ADCY8: variants seen among roughly 807,000 people sequenced by gnomAD.
The protein encoded by ADCY8 is adenylate cyclase type 8.
In ADCY8, 51 loss-of-function variants were observed where a neutral mutation model predicts 119.7. The ratio of observed to expected loss-of-function variants is 0.43; its 90% CI spans 0.34 to 0.54. The LOEUF (loss-of-function observed/expected upper bound fraction) is 0.54. ADCY8 is among the 20% of genes least tolerant of loss of function. ADCY8 has a pLI of 0.03. For synonymous variants in ADCY8, 665 were observed against 651.0 expected, an observed-to-expected ratio of 1.02 and a Z score of -0.33; for missense variants, 1,383 against 1,598.8, an observed-to-expected ratio of 0.87 and a Z score of 2.30.
intron 2 of ADCY8, among the ~76,000 whole-genome samples, chr8:130,957,408 C>A (rs542724239): frequency 6.6e-6 from 1 of 152,228 alleles, no homozygotes; most frequent in South Asian, 2.1e-4. Flanking sequence ...GACTTGGGTG[C>A]TGTTGAAGGC....
chr8:130,822,570 CCATCCATCCA>C (rs1816549788), intron 12 of ADCY8, among the ~76,000 whole-genome samples: 1 of 151,932 alleles, frequency 6.6e-6, no homozygotes, highest in South Asian at 2.1e-4. Flanking sequence ...ATCCATCCAT[CCATCCATCCA>C]TCCATCCATC....
intron 4 of ADCY8, among the ~76,000 whole-genome samples, chr8:130,941,731 C>A (rs781467979): frequency 8.5e-5 from 13 of 152,126 alleles, no homozygotes; most frequent in Non-Finnish European, 1.8e-4. Flanking sequence ...CAAGTCCCTG[C>A]CTGTCTTTCT....
chr8:130,875,116 C>T (rs543883749), intron 8 of ADCY8, among the ~76,000 whole-genome samples: 9 of 152,222 alleles, frequency 5.9e-5, no homozygotes, highest in East Asian at 3.9e-4. Context: ...AAAATACACA[C>T]GAAATGGTAC....
At chr8:130,849,906 C>G (rs1817462237) in intron 9 of ADCY8, 103 bp from the exon 10 acceptor site, 2 of 1,134,896 alleles carry the variant, frequency 1.8e-6, no homozygotes, top group Non-Finnish European at 2.5e-6. Context: ...TCGGATACTT[C>G]TTTGAAAGTT....
At chr8:130,977,797 G>A (rs188836026) in intron 2 of ADCY8, among the ~76,000 whole-genome samples, 1 of 152,332 alleles carries the variant, frequency 6.6e-6, no homozygotes, top group Non-Finnish European at 1.5e-5. Context: ...ACAGGCATCT[G>A]GATTCATTAG....
At chr8:130,944,535 C>T (rs1046094482) in intron 3 of ADCY8, among the ~76,000 whole-genome samples, 4 of 152,166 alleles carry the variant, frequency 2.6e-5, no homozygotes, top group African/African-American at 9.7e-5. Flanking sequence ...GGCTAGAAGA[C>T]ATCGTGGAAT....
intron 1 of ADCY8, among the ~76,000 whole-genome samples, chr8:131,000,732 C>A (rs775898103): frequency 6.6e-6 from 1 of 152,060 alleles, no homozygotes; most frequent in South Asian, 2.1e-4. Context: ...ACTAACACAA[C>A]GACAGTTCAC....
intron 14 of ADCY8, among the ~76,000 whole-genome samples, chr8:130,810,249 CAG>C (rs946786728): frequency 7.2e-5 from 11 of 152,068 alleles, no homozygotes; most frequent in Non-Finnish European, 1.5e-4. Context: ...CTTACGGTAA[CAG>C]AGAATGAAAC....
At chr8:130,864,727 A>G (rs548283889) in intron 9 of ADCY8, among the ~76,000 whole-genome samples, 1 of 151,860 alleles carries the variant, frequency 6.6e-6, no homozygotes, top group African/African-American at 2.4e-5. Context: ...ATTTTCTTAG[A>G]GTTTCCATCT....
intron 17 of ADCY8, among the ~76,000 whole-genome samples, chr8:130,781,122 G>C (rs1815066466): frequency 6.6e-6 from 1 of 152,176 alleles, no homozygotes; most frequent in Non-Finnish European, 1.5e-5. Flanking sequence ...GATAATACAA[G>C]TAAAGCCACT....
At chr8:130,785,264 T>A in intron 16 of ADCY8, 119 bp downstream of exon 16, 1 of 624,548 alleles carries the variant, frequency 1.6e-6, no homozygotes. Context: ...ATCCAGTCCA[T>A]TAGATTTTCT....
At chr8:130,795,538 G>T (rs1386567579) in intron 15 of ADCY8, among the ~76,000 whole-genome samples, 1 of 152,184 alleles carries the variant, frequency 6.6e-6, no homozygotes, top group South Asian at 2.1e-4. Flanking sequence ...ACTCTTGGCA[G>T]ATATTTAGAT....
At chr8:130,971,971 A>G (rs999882703) in intron 2 of ADCY8, among the ~76,000 whole-genome samples, 1 of 152,208 alleles carries the variant, frequency 6.6e-6, no homozygotes, top group Non-Finnish European at 1.5e-5. Context: ...TACAATTTAC[A>G]TAGAGAATAA....
chr8:130,871,619 C>A (rs1818360330), intron 8 of ADCY8, among the ~76,000 whole-genome samples: 1 of 152,070 alleles, frequency 6.6e-6, no homozygotes, highest in Non-Finnish European at 1.5e-5. Context: ...TGAAGCTTGC[C>A]TTTTCAATGG....
In ADCY8 at chr8:130,780,328, A is replaced by G; in HGVS notation, c.*62T>C. On this transcript the variant is annotated 3_prime_UTR_variant, in exon 18 of 18. Transcript: ENST00000286355. The stretch of plus-strand genomic sequence containing the variant: ...GTTCTAAAAAAAATTAAACCTTTTT[A>G]TTAGTATATTTATTTTATATATAAA... The G allele has an allele frequency of 1.7e-6, 2 of 1,171,976 alleles. No individual in the cohort carries two copies. Among genetic ancestry groups the G allele is most frequent in the Non-Finnish European group, 2.2e-6 (2 of 925,196 alleles). 72.6% of individuals were successfully genotyped at this position (1,171,976 alleles called of 1,614,324 possible). A position where few individuals can be genotyped will look rare whatever the true frequency, so the allele number is the denominator to read the frequency against.
At chr8:130,982,893 C>G (rs1403990988) in intron 2 of ADCY8, among the ~76,000 whole-genome samples, 5 of 152,146 alleles carry the variant, frequency 3.3e-5, no homozygotes, top group African/African-American at 1.2e-4. Flanking sequence ...CACAGCATGT[C>G]TCATTTTAAA....
In ADCY8 at chr8:130,783,707, A is replaced by G. The variant is rs771277324; in HGVS notation, c.3252T>C (p.Asn1084=). ...GCTACTCACCAATCCGGAGTTCAAA[A>G]TTGTTGAATGAATGCTTGTTGATCT... The part of the protein sequence containing the change: ...IQEINKHSFN[N]FELRIGISHG... Residue 1084 remains asparagine (N), a synonymous_variant, in exon 17 of 18, where the codon AAT becomes AAC. Transcript: ENST00000286355. 9 of 1,613,320 alleles carry G rather than the reference A, an allele frequency of 5.6e-6. No homozygotes were observed. In the Admixed American group the frequency reaches 1.3e-4, roughly 24 times the overall value.
intron 1 of ADCY8, among the ~76,000 whole-genome samples, chr8:131,027,072 A>G (rs1586667213): frequency 6.6e-6 from 1 of 152,206 alleles, no homozygotes; most frequent in African/African-American, 2.4e-5. Flanking sequence ...GGCATATAGC[A>G]ATCTCCAATA....
chr8:130,884,419 G>A, intron 8 of ADCY8, 145 bp downstream of exon 8: 1 of 777,200 alleles, frequency 1.3e-6, no homozygotes, highest in African/African-American at 1.7e-5. Context: ...GATTTTCAAG[G>A]AGAAAAATGA....
Sources: allele counts gnomAD v4.1 joint callset (sites outside exome capture counted in the v4.1 genomes callset), GRCh38; gene constraint gnomAD v4.1.1; transcripts MANE v1.5; gene names NCBI Gene and HGNC (gene_info 2026-07-23, HGNC 2026-07-21).